Variants in AGAP1 observed in about 807,000 individuals in gnomAD.
AGAP1 encodes ArfGAP with GTPase domain, ankyrin repeat and PH domain 1, also known as arf-GAP with GTPase, ANK repeat and PH domain-containing protein 1.
AGAP1 carries 29 observed loss-of-function variants against 105.3 expected under a neutral mutation model. The ratio of observed to expected loss-of-function variants is 0.28; its 90% confidence interval spans 0.21 to 0.38. The LOEUF (loss-of-function observed/expected upper bound fraction) is 0.38. Among genes scored for constraint, AGAP1 ranks in the 10% least tolerant of loss-of-function variants. The pLI, the probability that AGAP1 is intolerant of heterozygous loss-of-function variation, is 1.00. For synonymous variants in AGAP1, 509 were observed against 485.9 expected (o/e 1.05, Z -0.63); for missense variants, 998 against 1,165.1 (o/e 0.86, Z 2.09).
chr2:235,986,173 C>T (rs1263901576), intron 13 of AGAP1, among the ~76,000 whole-genome samples: 29 of 152,026 alleles, frequency 1.9e-4, no homozygotes, highest in Admixed American at 1.9e-3. Flanking sequence ...TCTCCTTGCA[C>T]ACGTCCTTCA....
chr2:235,690,434 T>C lies in AGAP1; in HGVS notation c.164-18745T>C, dbSNP rs866471779. Among the ~76,000 whole-genome samples, 4 of 152,154 alleles carry C rather than the reference T, an allele frequency of 2.6e-5. No individual in the cohort carries two copies. Among genetic ancestry groups the C allele is most frequent in the Non-Finnish European group, 5.9e-5 (4 of 68,034 alleles). On this transcript the variant is annotated intron_variant, in intron 1 of 17. Coordinates refer to ENST00000304032, the MANE Select transcript of AGAP1 (RefSeq NM_001037131.3). This position sits in a 1 kb window ranked among gnomAD's most constrained non-coding sequence, Gnocchi z 4.1. The stretch of plus-strand genomic sequence containing the variant: ...GCTCACATTGGAGCACTTGATATTA[T>C]GCATTTGAAACATTGAGACACAGCT...
intron 1 of AGAP1, among the ~76,000 whole-genome samples, chr2:235,666,081 C>G (rs1281285357): frequency 1.3e-5 from 2 of 152,224 alleles, no homozygotes; most frequent in Non-Finnish European, 2.9e-5. Flanking sequence ...TGGGGGTTAG[C>G]TAGGGCTGGC....
In AGAP1 at chr2:235,905,785, C is replaced by T. The variant is rs561507228; in HGVS notation, c.1156-2953C>T. ...GAGTGCTGGGATTACAGGCGTGAGCCACCGCGCCCCGCCTGATGTGCTTTT... is the reference window on the plus strand; with the variant it reads ...GAGTGCTGGGATTACAGGCGTGAGCTACCGCGCCCCGCCTGATGTGCTTTT... On this transcript the variant is annotated intron_variant, in intron 10 of 17. Coordinates refer to ENST00000304032, the MANE Select transcript of AGAP1 (RefSeq NM_001037131.3). This position sits in a 1 kb window ranked among gnomAD's most constrained non-coding sequence, Gnocchi z 4.2. 1.3e-5 allele frequency among the ~76,000 whole-genome samples: 2 copies of T among 152,350 alleles called. No homozygotes were observed. The highest frequency in any genetic ancestry group is 6.5e-5 in the Admixed American group (1 of 15,302).
chr2:235,622,808 G>A lies in AGAP1; in HGVS notation c.164-86371G>A, dbSNP rs1368135333. ...GTTATGCAGTGAGACTTCAGGGCAG[G>A]CACACATGTCGCTTCCTGCACCCAC... On this transcript the variant is annotated intron_variant, in intron 1 of 17. Transcript: ENST00000304032. The surrounding 1 kb of genome is among the most constrained non-coding windows in gnomAD (Gnocchi z 5.0). Among the ~76,000 whole-genome samples the A allele has an allele frequency of 6.6e-6, 1 of 152,028 alleles. No homozygotes were observed. Among genetic ancestry groups the A allele is most frequent in the African/African-American group, 2.4e-5 (1 of 41,384 alleles).
chr2:235,588,971 T>C (rs1945225172), intron 1 of AGAP1, among the ~76,000 whole-genome samples: 1 of 152,092 alleles, frequency 6.6e-6, no homozygotes, highest in South Asian at 2.1e-4. Context: ...CCACTGTTCG[T>C]TGTGCTCGTG....
In AGAP1 at chr2:235,566,413, G is replaced by A. The variant is rs1201973282; in HGVS notation, c.163+71564G>A. Among the ~76,000 whole-genome samples the A allele has an allele frequency of 6.6e-6, 1 of 152,152 alleles. No individual in the cohort carries two copies. ...ATTGCAAAGTCAACGGCAGACTGAA[G>A]GACTGCCGCATGCATAGCTGCTATT... On this transcript the variant is annotated intron_variant, in intron 1 of 17. Transcript: ENST00000304032. This position sits in a 1 kb window ranked among gnomAD's most constrained non-coding sequence, Gnocchi z 5.2.
rs188023614 is a variant in AGAP1 at position 236,092,993 on chromosome 2, T to C, written c.2115-27199T>C. 6.6e-6 allele frequency among the ~76,000 whole-genome samples: 1 copy of C among 152,332 alleles called. No homozygotes were observed. The highest frequency in any genetic ancestry group is 1.9e-4 in the East Asian group (1 of 5,176). On this transcript the variant is annotated intron_variant, in intron 16 of 17. Transcript: ENST00000304032. This position sits in a 1 kb window ranked among gnomAD's most constrained non-coding sequence, Gnocchi z 4.7. ...ATTGAAGCATCTAAAAGAATAGTGT[T>C]GGTGGCAGTTTATGTGACACATTTA...
rs73999013 is a variant in AGAP1 at position 235,639,612 on chromosome 2, G to A, written c.164-69567G>A. Among the ~76,000 whole-genome samples, 5,545 of 152,202 alleles carry A rather than the reference G, an allele frequency of 0.036. 278 individuals carry two copies. The highest frequency in any genetic ancestry group is 0.11 in the African/African-American group (4,672 of 41,520). On this transcript the variant is annotated intron_variant, in intron 1 of 17. Coordinates refer to ENST00000304032, the MANE Select transcript of AGAP1 (RefSeq NM_001037131.3). The surrounding 1 kb of genome is among the most constrained non-coding windows in gnomAD (Gnocchi z 5.3). The stretch of plus-strand genomic sequence containing the variant: ...CTCTCTGGCCTTTATTGGTCAAGCT[G>A]CCTGCTGTGTTTCTGGTGCCCAAAT...
At position 236,005,956 on chromosome 2, in the gene AGAP1, G is replaced by A. The variant is rs962885207; in HGVS notation, c.1646-30605G>A. On this transcript the variant is annotated intron_variant, in intron 13 of 17. Transcript: ENST00000304032. The surrounding 1 kb of genome is among the most constrained non-coding windows in gnomAD (Gnocchi z 4.1). ...ACTGAACTTTTGGAAGGAAGTCACT[G>A]TGCACTTAAGGAGTTGGGCGTTAGA... Among the ~76,000 whole-genome samples the A allele has an allele frequency of 2.6e-5, 4 of 152,210 alleles. No homozygotes were observed. The highest frequency in any genetic ancestry group is 9.6e-5 in the African/African-American group (4 of 41,460).
intron 6 of AGAP1, among the ~76,000 whole-genome samples, chr2:235,796,163 T>C (rs1957233964): frequency 6.6e-6 from 1 of 152,232 alleles, no homozygotes. Flanking sequence ...CAAAGCCCCT[T>C]ATTGCTATTT....
intron 1 of AGAP1, among the ~76,000 whole-genome samples, chr2:235,565,081 C>T (rs1267908812): frequency 1.3e-5 from 2 of 148,432 alleles, no homozygotes; most frequent in Non-Finnish European, 3.0e-5. Context: ...GGACCACCAC[C>T]CACGGTCAGC....
At chr2:235,581,341 G>A (rs1944925890) in intron 1 of AGAP1, among the ~76,000 whole-genome samples, 1 of 151,430 alleles carries the variant, frequency 6.6e-6, no homozygotes, top group Non-Finnish European at 1.5e-5. Context: ...GAAAGAGATG[G>A]AGACTTGGAG....
intron 9 of AGAP1, among the ~76,000 whole-genome samples, chr2:235,852,187 G>A (rs770204027): frequency 4.6e-5 from 7 of 152,188 alleles, no homozygotes; most frequent in African/African-American, 7.2e-5. Flanking sequence ...AGATTTACTC[G>A]GGAAGAGGAA....
intron 16 of AGAP1, among the ~76,000 whole-genome samples, chr2:236,059,395 T>TG: frequency 1.3e-5 from 2 of 152,208 alleles, no homozygotes; most frequent in Non-Finnish European, 2.9e-5. Context: ...TTCAAATCGA[T>TG]GTACAGAGTC....
chr2:235,836,641 G>A (rs1300542283), intron 9 of AGAP1, among the ~76,000 whole-genome samples: 1 of 152,106 alleles, frequency 6.6e-6, no homozygotes, highest in African/African-American at 2.4e-5. Context: ...GTGTTGATCT[G>A]TGTCATGCTT....
chr2:235,715,164 C>T (rs945811245), intron 2 of AGAP1, among the ~76,000 whole-genome samples: 1 of 152,222 alleles, frequency 6.6e-6, no homozygotes, highest in Non-Finnish European at 1.5e-5. Context: ...TCCCTCCTGT[C>T]TCTCCTCCTC....
chr2:236,082,684 G>A lies in AGAP1; in HGVS notation c.2114+33403G>A. The stretch of plus-strand genomic sequence containing the variant: ...AGGCCAGGAGTTTGAGACCAGCCTG[G>A]CCAACATGGCGAAACCCTGTCTCTA... On this transcript the variant is annotated intron_variant, in intron 16 of 17. Transcript: ENST00000304032. This position sits in a 1 kb window ranked among gnomAD's most constrained non-coding sequence, Gnocchi z 4.2. 6.6e-6 allele frequency among the ~76,000 whole-genome samples: 1 copy of A among 151,824 alleles called. No individual in the cohort carries two copies. Among genetic ancestry groups the A allele is most frequent in the East Asian group, 1.9e-4 (1 of 5,132 alleles).
At chr2:235,978,750 A>G (rs911235461) in intron 13 of AGAP1, among the ~76,000 whole-genome samples, 1 of 152,110 alleles carries the variant, frequency 6.6e-6, no homozygotes, top group Non-Finnish European at 1.5e-5. Flanking sequence ...CCCTCTGTGC[A>G]TGTCCATTTC....
At chr2:235,797,366 C>A (rs1042619226) in intron 6 of AGAP1, among the ~76,000 whole-genome samples, 1 of 152,098 alleles carries the variant, frequency 6.6e-6, no homozygotes, top group Admixed American at 6.5e-5. Flanking sequence ...GGCTCCTGTT[C>A]CCAGTGTCGC....
Sources: gnomAD v4.1 joint callset for allele counts (sites outside exome capture counted in the v4.1 genomes callset) on GRCh38, gnomAD v4.1.1 for gene constraint, Gnocchi (gnomAD v3.1) non-coding constraint, MANE v1.5 for transcripts, NCBI Gene and HGNC (gene_info 2026-07-23, HGNC 2026-07-21) for gene names.